HAPLN4: variants seen among roughly 807,000 people sequenced by gnomAD.
HAPLN4 encodes hyaluronan and proteoglycan link protein 4, also known as brain link protein 2.
In HAPLN4, 19 loss-of-function variants were observed where a neutral mutation model predicts 28.0. The ratio of observed to expected loss-of-function variants is 0.68; its 90% CI spans 0.47 to 1.00. The LOEUF (loss-of-function observed/expected upper bound fraction) is 1.00, where lower values mean the gene tolerates loss of function less well. Among genes scored for constraint, HAPLN4 ranks in the 50% least tolerant of loss-of-function variants. The pLI, the probability that HAPLN4 is intolerant of heterozygous loss-of-function variation, is 0.00. For synonymous variants in HAPLN4, 274 were observed against 273.0 expected (o/e 1.00, Z -0.03); for missense variants, 587 against 602.6 (o/e 0.97, Z 0.27).
Position 19,260,797 on chromosome 19 carries a change from C to T in HAPLN4, c.484+16G>A. 1.2e-6 allele frequency: 2 copies of T among 1,600,366 alleles called. No individual in the cohort carries two copies. Among genetic ancestry groups the T allele is most frequent in the African/African-American group, 1.3e-5 (1 of 74,818 alleles). On this transcript the variant is annotated intron_variant, in intron 3 of 4. Coordinates refer to ENST00000291481, the MANE Select transcript of HAPLN4 (RefSeq NM_023002.3). ...TTCCTCAGAAGCAAGGTTTATCCTC[C>T]CCACCGGCTGATCACCTTCCAGGTC... is the stretch of plus-strand genomic sequence containing the variant.
rs925180143 is a variant in HAPLN4, at chr19:19,255,059, G to A, written c.*2758C>T. ...TAATGTCTCTCCCTTCCTGGTACAG[G>A]AACCCCCCTTCCAGTTTCCCGAATT... On this transcript the variant is annotated 3_prime_UTR_variant, in exon 5 of 5. Coordinates refer to ENST00000291481, the MANE Select transcript of HAPLN4 (RefSeq NM_023002.3). 7 of 152,188 alleles carry A rather than the reference G, an allele frequency of 4.6e-5. No homozygotes were observed. Among genetic ancestry groups the A allele is most frequent in the Non-Finnish European group, 8.8e-5 (6 of 68,074 alleles). 9.4% of individuals were successfully genotyped at this position (152,188 alleles called of 1,614,324 possible).
At position 19,256,812 on chromosome 19, in the gene HAPLN4, T is replaced by C. The variant is rs965692191; in HGVS notation, c.*1005A>G. On this transcript the variant is annotated 3_prime_UTR_variant, in exon 5 of 5. Transcript: ENST00000291481. ...GGGGGCCAATGAGATGAGAAATGTG[T>C]GGTATCCATGGTTACAGCTGGAGGA... 2.0e-5 allele frequency: 3 copies of C among 152,696 alleles called. No homozygotes were observed. Among genetic ancestry groups the C allele is most frequent in the African/African-American group, 7.3e-5 (3 of 41,366 alleles). 9.5% of individuals were successfully genotyped at this position (152,696 alleles called of 1,614,324 possible).
Position 19,257,937 on chromosome 19 carries a change from G to A in HAPLN4, c.1089C>T (p.Cys363=). 3.3e-6 allele frequency: 5 copies of A among 1,515,074 alleles called. No individual in the cohort carries two copies. Among genetic ancestry groups the A allele is most frequent in the East Asian group, 2.6e-5 (1 of 38,488 alleles). The allele number at this position is 1,515,074 out of a possible 1,614,324, so 93.9% of individuals were successfully genotyped here. A position where few individuals can be genotyped will look rare whatever the true frequency, so the allele number is the denominator to read the frequency against. The change falls in exon 5 of 5, where the codon TGC becomes TGT. Residue 363 remains cysteine, a synonymous_variant. Coordinates refer to ENST00000291481, the MANE Select transcript of HAPLN4 (RefSeq NM_023002.3). ...DATRRLFGVY[C]YRAPGAPDPA... is the part of the protein sequence containing the mutation. ...GGTCCGGTGCTCCTGGAGCGCGGTA[G>A]CAGTAGACGCCGAAGAGCCGTCGGG... is the stretch of plus-strand genomic sequence containing the variant.
chr19:19,261,569 G>A lies in HAPLN4; in HGVS notation c.4-6C>T, dbSNP rs776968901. ...AGGGCCGCCCGAGCGCACACCTGGG[G>A]GGCGGGCACGGGGCGCTCAGTCCAG... On this transcript the variant is annotated splice_polypyrimidine_tract_variant and splice_region_variant and intron_variant, in intron 1 of 4. Transcript: ENST00000291481. 81 of 1,470,308 alleles carry A rather than the reference G, an allele frequency of 5.5e-5. No individual in the cohort carries two copies. Among genetic ancestry groups the A allele is most frequent in the Non-Finnish European group, 7.2e-5 (80 of 1,116,436 alleles). The allele number at this position is 1,470,308 out of a possible 1,614,324, so 91.1% of individuals were successfully genotyped here.
rs1200782250 is a variant in HAPLN4 at position 19,260,806 on chromosome 19, T to A, written c.484+7A>T. The A allele has an allele frequency of 6.2e-7, 1 of 1,601,854 alleles. No individual in the cohort carries two copies. The highest frequency in any genetic ancestry group is 1.7e-5 in the Admixed American group (1 of 59,832). On this transcript the variant is annotated splice_region_variant and intron_variant, in intron 3 of 4. Transcript: ENST00000291481. The stretch of plus-strand genomic sequence containing the variant: ...AGCAAGGTTTATCCTCCCCACCGGC[T>A]GATCACCTTCCAGGTCCAGCTTGAC...
intron 1 of HAPLN4, 146 bp from the exon 2 acceptor site, chr19:19,261,709 C>G (rs1422879029): frequency 5.4e-6 from 3 of 559,956 alleles, no homozygotes; most frequent in Non-Finnish European, 9.2e-6. Flanking sequence ...GAGAACTCCC[C>G]CTCCTCCTCT....
At position 19,258,599 on chromosome 19, in the gene HAPLN4, C is replaced by T; in HGVS notation, c.741G>A (p.Gly247=). ...GSAGGGGDAN[G]GLRNYGYRHN... is the part of the protein sequence containing the mutation. Reference sequence around the variant, plus strand: ...GGCGATACCCGTAGTTGCGCAGGCCCCCGTTGGCATCACCGCCGCCCCCTG... The same window carrying T: ...GGCGATACCCGTAGTTGCGCAGGCCTCCGTTGGCATCACCGCCGCCCCCTG... The change falls in exon 4 of 5, where the codon GGG becomes GGA. Residue 247 remains glycine, a synonymous_variant. Coordinates refer to ENST00000291481, the MANE Select transcript of HAPLN4 (RefSeq NM_023002.3). The surrounding 1 kb of genome is among the most constrained non-coding windows in gnomAD (Gnocchi z 6.2). 1 of 1,613,636 alleles carries T rather than the reference C, an allele frequency of 6.2e-7. No individual in the cohort carries two copies. The highest frequency in any genetic ancestry group is 8.5e-7 in the Non-Finnish European group (1 of 1,179,838).
In HAPLN4 at chr19:19,258,518, C is replaced by T. The variant is rs762258885; in HGVS notation, c.817+5G>A. The T allele has an allele frequency of 6.2e-7, 1 of 1,612,368 alleles. No homozygotes were observed. Among genetic ancestry groups the T allele is most frequent in the Non-Finnish European group, 8.5e-7 (1 of 1,179,408 alleles). ...GAGGCCAGTCTTGGGGTGAGGCCTA[C>T]GCACCCGGCAGGTTGGACGTGAAGC... On this transcript the variant is annotated splice_donor_5th_base_variant and intron_variant, in intron 4 of 4. Transcript: ENST00000291481. The surrounding 1 kb of genome is among the most constrained non-coding windows in gnomAD (Gnocchi z 6.2).
At position 19,260,989 on chromosome 19, in the gene HAPLN4, C is replaced by A; in HGVS notation, c.308G>T (p.Gly103Val). The A allele has an allele frequency of 6.2e-7, 1 of 1,613,750 alleles. No individual in the cohort carries two copies. The highest frequency in any genetic ancestry group is 8.5e-7 in the Non-Finnish European group (1 of 1,179,974). The change falls in exon 3 of 5, where the codon GGC becomes GTC. Residue 103 changes from glycine (G) to valine (V), a missense_variant. Gly to Val is a moderately radical substitution (Grantham distance 109). Coordinates refer to ENST00000291481, the MANE Select transcript of HAPLN4 (RefSeq NM_023002.3). The part of the protein sequence containing the change: ...LAFTDVFVAL[G>V]PQHRAFGSYR... The stretch of plus-strand genomic sequence containing the variant: ...GCTGCCGAATGCCCGGTGCTGGGGG[C>A]CTAGTGCCACGAAGACGTCGGTGAA...
Position 19,258,225 on chromosome 19 carries a change from G to A in HAPLN4, c.818-17C>T. The A allele has an allele frequency of 1.4e-6, 2 of 1,466,682 alleles. No individual in the cohort carries two copies. Among genetic ancestry groups the A allele is most frequent in the Non-Finnish European group, 1.8e-6 (2 of 1,110,386 alleles). The allele number at this position is 1,466,682 out of a possible 1,614,324, so 90.9% of individuals were successfully genotyped here. A position where few individuals can be genotyped will look rare whatever the true frequency, so the allele number is the denominator to read the frequency against. On this transcript the variant is annotated splice_polypyrimidine_tract_variant and intron_variant, in intron 4 of 4. Coordinates refer to ENST00000291481, the MANE Select transcript of HAPLN4 (RefSeq NM_023002.3). The surrounding 1 kb of genome is among the most constrained non-coding windows in gnomAD (Gnocchi z 6.2). ...ACACGCGCCCTGCGGGGGTGAGGTGGGGGGTGGGTTATTAGTGCGGCTCCT... is the reference window on the plus strand; with the variant it reads ...ACACGCGCCCTGCGGGGGTGAGGTGAGGGGTGGGTTATTAGTGCGGCTCCT...
chr19:19,258,654 G>A lies in HAPLN4; in HGVS notation c.686C>T (p.Pro229Leu). 1.2e-6 allele frequency: 2 copies of A among 1,610,888 alleles called. No homozygotes were observed. The highest frequency in any genetic ancestry group is 1.7e-6 in the Non-Finnish European group (2 of 1,178,668). Residue 229 changes from proline (P) to leucine (L), a missense_variant, in exon 4 of 5, where the codon CCC becomes CTC. Pro to Leu is a moderately conservative substitution (Grantham distance 98, BLOSUM62 -3). Coordinates refer to ENST00000291481, the MANE Select transcript of HAPLN4 (RefSeq NM_023002.3). This position sits in a 1 kb window ranked among gnomAD's most constrained non-coding sequence, Gnocchi z 6.2. ...VQYPVNRPRE[P>L]CGGLGGTGSA... ...CCCGGTCCCCCCCAGGCCGCCGCAGGGCTCCCGGGGCCGGTTCACGGGGTA... is the reference window on the plus strand; with the variant it reads ...CCCGGTCCCCCCCAGGCCGCCGCAGAGCTCCCGGGGCCGGTTCACGGGGTA...
chr19:19,258,128 C>T lies in HAPLN4; in HGVS notation c.898G>A (p.Val300Met). The part of the protein sequence containing the change: ...ARACAARGAA[V>M]AKVGQLFAAW... Reference sequence around the variant, plus strand: ...GCGAACAGCTGCCCCACCTTGGCCACGGCCGCGCCACGCGCAGCACACGCG... The same window carrying T: ...GCGAACAGCTGCCCCACCTTGGCCATGGCCGCGCCACGCGCAGCACACGCG... Residue 300 changes from valine (V) to methionine (M), a missense_variant, in exon 5 of 5, where the codon GTG becomes ATG. Coordinates refer to ENST00000291481, the MANE Select transcript of HAPLN4 (RefSeq NM_023002.3). This position sits in a 1 kb window ranked among gnomAD's most constrained non-coding sequence, Gnocchi z 6.2. The T allele has an allele frequency of 6.5e-7, 1 of 1,550,138 alleles. No homozygotes were observed. Among genetic ancestry groups the T allele is most frequent in the Non-Finnish European group, 8.7e-7 (1 of 1,154,822 alleles).
intron 1 of HAPLN4, among the ~76,000 whole-genome samples, chr19:19,262,197 T>TACAGAGATGGAGAGGGAAAG (rs2060986285): frequency 1.4e-5 from 1 of 71,042 alleles, no homozygotes; most frequent in Admixed American, 1.5e-4. Context: ...CAGAGGAAGA[T>TACAGAGATGGAGAGGGAAAG]ACAGAGATGG....
At position 19,258,311 on chromosome 19, in the gene HAPLN4, C is replaced by T; in HGVS notation, c.818-103G>A. The T allele has an allele frequency of 7.8e-7, 1 of 1,277,390 alleles. No individual in the cohort carries two copies. Among genetic ancestry groups the T allele is most frequent in the Non-Finnish European group, 1.0e-6 (1 of 953,190 alleles). The allele number at this position is 1,277,390 out of a possible 1,614,324, so 79.1% of individuals were successfully genotyped here. On this transcript the variant is annotated intron_variant, in intron 4 of 4. Coordinates refer to ENST00000291481, the MANE Select transcript of HAPLN4 (RefSeq NM_023002.3). The surrounding 1 kb of genome is among the most constrained non-coding windows in gnomAD (Gnocchi z 6.2). Reference sequence around the variant, plus strand: ...CGCATGCAGCCTAGGACTCTGGCCTCGGCCCCGGGATCCAGGAACAGTTCC... The same window carrying T: ...CGCATGCAGCCTAGGACTCTGGCCTTGGCCCCGGGATCCAGGAACAGTTCC...
At chr19:19,261,415 G>C in intron 2 of HAPLN4, 31 bp downstream of exon 2, 1 of 1,577,422 alleles carries the variant, frequency 6.3e-7, no homozygotes, top group Non-Finnish European at 8.7e-7. Context: ...GCTTTTCGCG[G>C]AGAAGACCAC....
At position 19,261,102 on chromosome 19, in the gene HAPLN4, G is replaced by A; in HGVS notation, c.195C>T (p.Val65=). The change falls in exon 3 of 5, where the codon GTC becomes GTT. Residue 65 remains valine, a synonymous_variant. Coordinates refer to ENST00000291481, the MANE Select transcript of HAPLN4 (RefSeq NM_023002.3). The part of the protein sequence containing the change: ...QVVSHRGGTI[V]LPCRYHYEAA... ...CCTCATAGTGGTAGCGGCAGGGCAA[G>A]ACGATGGTGCCACCACGGTGGCTTA... 1 of 1,612,262 alleles carries A rather than the reference G, an allele frequency of 6.2e-7. No homozygotes were observed. Among genetic ancestry groups the A allele is most frequent in the Non-Finnish European group, 8.5e-7 (1 of 1,179,588 alleles).
At chr19:19,262,453 A>G (rs559702160) in intron 1 of HAPLN4, among the ~76,000 whole-genome samples, 3 of 151,982 alleles carry the variant, frequency 2.0e-5, no homozygotes, top group Non-Finnish European at 2.9e-5. Flanking sequence ...AGAGGCAGAG[A>G]GACTCAGAGA....
chr19:19,260,186 C>A (rs927593925), intron 3 of HAPLN4, among the ~76,000 whole-genome samples: 2 of 152,102 alleles, frequency 1.3e-5, no homozygotes, highest in African/African-American at 4.8e-5. Context: ...ACATTTTGGA[C>A]TGGATCACTT....
rs773582261 is a variant in HAPLN4, at chr19:19,258,612, C to A, written c.728G>T (p.Gly243Val). The change falls in exon 4 of 5, where the codon GGT becomes GTT. Residue 243 changes from glycine (G) to valine (V), a missense_variant. Physicochemically the swap from Gly to Val is moderately radical, Grantham distance 109. Coordinates refer to ENST00000291481, the MANE Select transcript of HAPLN4 (RefSeq NM_023002.3). The surrounding 1 kb of genome is among the most constrained non-coding windows in gnomAD (Gnocchi z 6.2). The part of the protein sequence containing the change: ...LGGTGSAGGG[G>V]DANGGLRNYG... Reference sequence around the variant, plus strand: ...GTTGCGCAGGCCCCCGTTGGCATCACCGCCGCCCCCTGCACTCCCGGTCCC... The same window carrying A: ...GTTGCGCAGGCCCCCGTTGGCATCAACGCCGCCCCCTGCACTCCCGGTCCC... The A allele has an allele frequency of 1.2e-6, 2 of 1,613,376 alleles. No individual in the cohort carries two copies. Among genetic ancestry groups the A allele is most frequent in the Non-Finnish European group, 1.7e-6 (2 of 1,179,772 alleles).
Sources: allele counts gnomAD v4.1 joint callset (sites outside exome capture counted in the v4.1 genomes callset), GRCh38; gene constraint gnomAD v4.1.1; non-coding constraint Gnocchi (gnomAD v3.1); transcripts MANE v1.5; gene names NCBI Gene and HGNC (gene_info 2026-07-23, HGNC 2026-07-21).